Variants in NAALADL2 observed in about 807,000 individuals in gnomAD.
NAALADL2 encodes inactive N-acetylated-alpha-linked acidic dipeptidase-like protein 2.
In NAALADL2, 76 loss-of-function variants were observed where a neutral mutation model predicts 87.2. The ratio of observed to expected loss-of-function variants is 0.87; its 90% confidence interval spans 0.72 to 1.05. The LOEUF (loss-of-function observed/expected upper bound fraction) is 1.05, where lower values mean the gene tolerates loss of function less well. Among genes scored for constraint, NAALADL2 ranks in the 50% least tolerant of loss-of-function variants. The pLI, the probability that NAALADL2 is intolerant of heterozygous loss-of-function variation, is 0.00. For synonymous variants in NAALADL2, 354 were observed against 331.0 expected, an observed-to-expected ratio of 1.07 and a Z score of -0.75; for missense variants, 1,089 against 945.8, an observed-to-expected ratio of 1.15 and a Z score of -1.99.
chr3:175,374,703 T>C (rs1286739095), intron 5 of NAALADL2, among the ~76,000 whole-genome samples: 1 of 149,920 alleles, frequency 6.7e-6, no homozygotes, highest in Admixed American at 6.7e-5. Context: ...AGAAAACTCA[T>C]CTCTGCAGAA....
chr3:175,483,117 A>G (rs929131871), intron 9 of NAALADL2, among the ~76,000 whole-genome samples: 20 of 152,060 alleles, frequency 1.3e-4, no homozygotes, highest in African/African-American at 4.6e-4. Context: ...AAACTTTTAT[A>G]TATCAAATTG....
intron 2 of NAALADL2, among the ~76,000 whole-genome samples, chr3:175,117,117 T>C (rs1438177734): frequency 6.6e-6 from 1 of 152,112 alleles, no homozygotes; most frequent in South Asian, 2.1e-4. Flanking sequence ...TAATTCAAGA[T>C]GAACTAAAGA....
intron 1 of NAALADL2, among the ~76,000 whole-genome samples, chr3:174,901,497 A>G (rs1056005798): frequency 6.6e-6 from 1 of 152,244 alleles, no homozygotes; most frequent in Non-Finnish European, 1.5e-5. Context: ...CATCAAATAC[A>G]GGGCTTCAGG....
At chr3:174,770,407 G>T (rs1714383519) in intron 3 of NAALADL2, among the ~76,000 whole-genome samples, 2 of 152,082 alleles carry the variant, frequency 1.3e-5, no homozygotes, top group South Asian at 4.1e-4. Context: ...GTGAACTTGG[G>T]TTATTCTGTT....
intron 7 of NAALADL2, among the ~76,000 whole-genome samples, chr3:175,465,707 G>A (rs534231225): frequency 1.2e-4 from 19 of 152,102 alleles, no homozygotes; most frequent in East Asian, 9.7e-4. Context: ...TCCTGACCTC[G>A]TGATCCACCT....
chr3:175,396,832 C>A (rs1242704406), intron 5 of NAALADL2, among the ~76,000 whole-genome samples: 1 of 152,058 alleles, frequency 6.6e-6, no homozygotes, highest in East Asian at 1.9e-4. Context: ...CTTCTCCTTG[C>A]TGCTGCCATG....
intron 1 of NAALADL2, among the ~76,000 whole-genome samples, chr3:174,506,867 A>AT (rs150087197): frequency 0.027 from 4,122 of 151,716 alleles, 167 homozygotes; most frequent in African/African-American, 0.091. Context: ...TCTTTTTCTT[A>AT]TTTTTTTATT....
chr3:174,895,883 G>A (rs1270481106), intron 1 of NAALADL2, among the ~76,000 whole-genome samples: 1 of 151,996 alleles, frequency 6.6e-6, no homozygotes, highest in Non-Finnish European at 1.5e-5. Context: ...TGCAAGGATG[G>A]TTCAACATAT....
At chr3:175,505,589 GA>G (rs1730200662) in intron 9 of NAALADL2, among the ~76,000 whole-genome samples, 1 of 152,020 alleles carries the variant, frequency 6.6e-6, no homozygotes, top group Admixed American at 6.6e-5. Context: ...AAGTAGACCT[GA>G]AATGTACGTA....
intron 5 of NAALADL2, among the ~76,000 whole-genome samples, chr3:175,412,891 T>TTTATTTATTATTATTATTATTA (rs1553887809): frequency 1.6e-5 from 2 of 123,012 alleles, no homozygotes; most frequent in Non-Finnish European, 3.3e-5. Context: ...ATTTAATTTA[T>TTTATTTATTATTATTATTATTA]TTATTATTAT....
At chr3:174,939,505 T>G (rs950459954) in intron 1 of NAALADL2, among the ~76,000 whole-genome samples, 1 of 152,112 alleles carries the variant, frequency 6.6e-6, no homozygotes, top group Admixed American at 6.6e-5. Flanking sequence ...TTTGGTTCCA[T>G]ATGAATTTTA....
intron 3 of NAALADL2, among the ~76,000 whole-genome samples, chr3:174,758,999 G>A (rs915870499): frequency 1.3e-5 from 2 of 152,070 alleles, no homozygotes; most frequent in Non-Finnish European, 2.9e-5. Context: ...AAATAATTAT[G>A]CCAGCAAACA....
At chr3:175,650,168 A>G (rs1730568185) in intron 11 of NAALADL2, among the ~76,000 whole-genome samples, 1 of 152,144 alleles carries the variant, frequency 6.6e-6, no homozygotes, top group South Asian at 2.1e-4. Flanking sequence ...ACATGCTTCA[A>G]CGTGGGTGAA....
chr3:174,935,263 G>C (rs556310901), intron 1 of NAALADL2, among the ~76,000 whole-genome samples: 71 of 152,156 alleles, frequency 4.7e-4, no homozygotes, highest in African/African-American at 1.7e-3. Flanking sequence ...GAACTATCTT[G>C]CGTTTGCCTG....
intron 11 of NAALADL2, among the ~76,000 whole-genome samples, chr3:175,652,904 C>G (rs1173765528): frequency 1.3e-5 from 2 of 152,084 alleles, no homozygotes; most frequent in Non-Finnish European, 2.9e-5. Context: ...ACTTTTGACT[C>G]TCCAAAAACT....
intron 5 of NAALADL2, among the ~76,000 whole-genome samples, chr3:175,395,940 A>G (rs1418357545): frequency 6.6e-6 from 1 of 152,190 alleles, no homozygotes. Flanking sequence ...GTTACTTTGC[A>G]TATTACCAAG....
At chr3:175,415,851 C>T (rs1056985271) in intron 5 of NAALADL2, among the ~76,000 whole-genome samples, 3 of 150,718 alleles carry the variant, frequency 2.0e-5, no homozygotes, top group Admixed American at 6.6e-5. Context: ...TGGTGGCTCA[C>T]ACCTGTAATT....
At chr3:174,454,558 G>A (rs1715702684) in intron 1 of NAALADL2, among the ~76,000 whole-genome samples, 1 of 152,076 alleles carries the variant, frequency 6.6e-6, no homozygotes. Context: ...AACAGCAGCA[G>A]AAAATTAGAA....
chr3:174,957,906 C>A (rs1388936864), intron 1 of NAALADL2, among the ~76,000 whole-genome samples: 1 of 151,978 alleles, frequency 6.6e-6, no homozygotes, highest in Non-Finnish European at 1.5e-5. Context: ...CCTCAACTTG[C>A]AAACTCTGCA....
Sources: gnomAD v4.1 joint callset for allele counts (sites outside exome capture counted in the v4.1 genomes callset) on GRCh38, gnomAD v4.1.1 for gene constraint, MANE v1.5 for transcripts, NCBI Gene and HGNC (gene_info 2026-07-23, HGNC 2026-07-21) for gene names.